The following NSUN6 variants were observed in gnomAD, a reference collection of about 807,000 sequenced individuals.
The protein encoded by NSUN6 is tRNA (cytosine(72)-C(5))-methyltransferase NSUN6.
In NSUN6, 64 loss-of-function variants were observed where a neutral mutation model predicts 58.0. That is an observed-to-expected ratio of 1.10 (90% CI 0.90 to 1.36). The LOEUF (loss-of-function observed/expected upper bound fraction) is 1.36, where lower values mean the gene tolerates loss of function less well. Ranked by LOEUF, NSUN6 falls within the 40% of genes most tolerant of loss-of-function variation. The pLI, the probability that NSUN6 is intolerant of heterozygous loss-of-function variation, is 0.00. For synonymous variants in NSUN6, 231 were observed against 193.9 expected (o/e 1.19, Z -1.59); for missense variants, 701 against 550.1 (o/e 1.27, Z -2.74).
chr10:18,647,451 G>A (rs544662290), intron 2 of NSUN6, among the ~76,000 whole-genome samples: 2 of 152,174 alleles, frequency 1.3e-5, no homozygotes, highest in East Asian at 1.9e-4. Flanking sequence ...AAATTTCAGT[G>A]TACAGTGTAT....
intron 9 of NSUN6, among the ~76,000 whole-genome samples, chr10:18,551,463 C>T (rs1056746908): frequency 2.0e-5 from 3 of 152,102 alleles, no homozygotes; most frequent in African/African-American, 7.2e-5. Context: ...AATCTCCCAG[C>T]CCCACAATGC....
intron 2 of NSUN6, 70 bp from the exon 3 acceptor site, chr10:18,642,625 G>GT: frequency 1.3e-6 from 1 of 770,486 alleles, no homozygotes; most frequent in Non-Finnish European, 2.3e-6. Context: ...GAACTTTTCA[G>GT]TATCATCATC....
intron 5 of NSUN6, among the ~76,000 whole-genome samples, chr10:18,610,352 A>G (rs1321619265): frequency 6.6e-6 from 1 of 152,196 alleles, no homozygotes; most frequent in Non-Finnish European, 1.5e-5. Flanking sequence ...CCGTCTCAAA[A>G]AAAAAGAACT....
intron 8 of NSUN6, among the ~76,000 whole-genome samples, chr10:18,553,415 GGAATGGAATGGA>G (rs1242922821): frequency 2.0e-5 from 3 of 151,372 alleles, no homozygotes; most frequent in African/African-American, 4.8e-5. Flanking sequence ...AACGGAGAAT[GGAATGGAATGGA>G]GAATGGAATG....
chr10:18,628,697 T>A (rs569600671), intron 3 of NSUN6, among the ~76,000 whole-genome samples: 97 of 151,670 alleles, frequency 6.4e-4, no homozygotes, highest in Non-Finnish European at 1.2e-3. Context: ...AGAAGGGAAG[T>A]TTAGAGAAAA....
chr10:18,545,881 A>AAAAAAAC lies in NSUN6; in HGVS notation c.*51_*52insGTTTTTT. The AAAAAAAC allele has an allele frequency of 9.3e-7, 1 of 1,071,730 alleles. No individual in the cohort carries two copies. The highest frequency in any genetic ancestry group is 1.4e-5 in the South Asian group (1 of 73,898). 66.4% of individuals were successfully genotyped at this position (1,071,730 alleles called of 1,614,324 possible). On this transcript the variant is annotated 3_prime_UTR_variant, in exon 11 of 11. Transcript: ENST00000377304. ...CAACACTTTGGTTAAAAAAAAAAAA[A>AAAAAAAC]CCACAGACAGCAAATGTTTGGAATT...
intron 8 of NSUN6, among the ~76,000 whole-genome samples, chr10:18,563,722 GTTCCATTCTCCA>G (rs2055716324): frequency 7.0e-6 from 1 of 142,056 alleles, no homozygotes; most frequent in Non-Finnish European, 1.5e-5. Flanking sequence ...ATTCCACTCC[GTTCCATTCTCCA>G]TTCCATTCCA....
chr10:18,578,231 A>ATTTT lies in NSUN6; in HGVS notation c.922+7714_922+7717dup, dbSNP rs71402184. Among the ~76,000 whole-genome samples the ATTTT allele has an allele frequency of 3.2e-3, 382 of 121,136 alleles. 12 individuals are homozygous for ATTTT. Among genetic ancestry groups the ATTTT allele is most frequent in the South Asian group, 0.027 (98 of 3,660 alleles). 79.5% of individuals were successfully genotyped at this position (121,136 alleles called of 152,430 possible). ...TCCATGGAGCCTCTTCTCTAAGCCT[A>ATTTT]TTTTTTTTTTTTTTTTTTTGAGATG... On this transcript the variant is annotated intron_variant, in intron 8 of 10. Coordinates refer to ENST00000377304, the MANE Select transcript of NSUN6 (RefSeq NM_182543.5).
At chr10:18,568,064 C>T (rs111217327) in intron 8 of NSUN6, among the ~76,000 whole-genome samples, 7,331 of 150,552 alleles carry the variant, frequency 0.049, 270 homozygotes, top group Non-Finnish European at 0.078. Flanking sequence ...CTCCATTTTC[C>T]GTTCCATTCC....
At chr10:18,551,653 C>A in intron 9 of NSUN6, 170 bp downstream of exon 9, 1 of 486,198 alleles carries the variant, frequency 2.1e-6, no homozygotes, top group Non-Finnish European at 3.6e-6. Context: ...AATAATGTTC[C>A]ATGTATGGAT....
intron 8 of NSUN6, among the ~76,000 whole-genome samples, chr10:18,567,590 T>C (rs2056055395): frequency 6.7e-6 from 1 of 149,848 alleles, no homozygotes; most frequent in Non-Finnish European, 1.5e-5. Context: ...CTCCATAGCA[T>C]TCCATTCTCC....
At chr10:18,578,809 A>G (rs1359733161) in intron 8 of NSUN6, among the ~76,000 whole-genome samples, 2 of 152,174 alleles carry the variant, frequency 1.3e-5, no homozygotes, top group Non-Finnish European at 2.9e-5. Context: ...CAAGCTCCGT[A>G]TCAATGATCT....
intron 3 of NSUN6, among the ~76,000 whole-genome samples, chr10:18,632,096 T>C (rs374958087): frequency 6.7e-6 from 1 of 149,704 alleles, no homozygotes; most frequent in Non-Finnish European, 1.5e-5. Flanking sequence ...TCAGAAATAA[T>C]GCCGCATATC....
intron 2 of NSUN6, among the ~76,000 whole-genome samples, chr10:18,648,047 A>AT (rs1201513141): frequency 4.6e-5 from 7 of 151,940 alleles, no homozygotes; most frequent in Admixed American, 1.3e-4. Flanking sequence ...CCCAACATCT[A>AT]TTTTTTTATG....
At chr10:18,650,557 CT>C (rs1467183202) in intron 1 of NSUN6, among the ~76,000 whole-genome samples, 2 of 152,126 alleles carry the variant, frequency 1.3e-5, no homozygotes, top group Non-Finnish European at 2.9e-5. Flanking sequence ...GATTCAAAAG[CT>C]GTACCTTTGT....
intron 2 of NSUN6, among the ~76,000 whole-genome samples, chr10:18,645,685 A>T (rs2059526496): frequency 6.6e-6 from 1 of 152,214 alleles, no homozygotes; most frequent in African/African-American, 2.4e-5. Flanking sequence ...GCTGCTATGA[A>T]CATTCATGCT....
At chr10:18,561,926 TGAATGGAATGGAGAATGGAAAAGAGTG>T (rs1223271010) in intron 8 of NSUN6, among the ~76,000 whole-genome samples, 1 of 139,294 alleles carries the variant, frequency 7.2e-6, no homozygotes, top group Non-Finnish European at 1.5e-5. Flanking sequence ...GAGAATGGAA[TGAATGGAATGGAGAATGGAAAAGAGTG>T]GAATGGAATG....
At chr10:18,608,393 TG>T (rs1226563007) in intron 6 of NSUN6, among the ~76,000 whole-genome samples, 3 of 152,122 alleles carry the variant, frequency 2.0e-5, no homozygotes, top group Non-Finnish European at 4.4e-5. Context: ...CCCAGAACTT[TG>T]GAAGGCCAAA....
At chr10:18,554,180 T>C (rs1564705557) in intron 8 of NSUN6, among the ~76,000 whole-genome samples, 1 of 148,466 alleles carries the variant, frequency 6.7e-6, no homozygotes, top group African/African-American at 2.5e-5. Flanking sequence ...GAATCAAGAA[T>C]GGAATGGAAT....
Sources: gnomAD v4.1 joint callset for allele counts (sites outside exome capture counted in the v4.1 genomes callset) on GRCh38, gnomAD v4.1.1 for gene constraint, MANE v1.5 for transcripts, NCBI Gene and HGNC (gene_info 2026-07-23, HGNC 2026-07-21) for gene names.